CLIP4: variants seen among roughly 807,000 people sequenced by gnomAD.
CLIP4 encodes CAP-Gly domain containing linker protein family member 4, also known as CAP-Gly domain-containing linker protein 4.
A neutral mutation model predicts 73.1 loss-of-function variants in CLIP4; 47 were observed. The ratio of observed to expected loss-of-function variants is 0.64; its 90% confidence interval spans 0.51 to 0.82. The LOEUF (loss-of-function observed/expected upper bound fraction) is 0.82. Among genes scored for constraint, CLIP4 ranks in the 40% least tolerant of loss-of-function variants. The pLI is 0.00. For missense variants in CLIP4, 874 were observed against 852.9 expected (o/e 1.02, Z -0.31); for synonymous variants, 306 against 295.4 (o/e 1.04, Z -0.37).
chr2:29,165,790 C>G (rs983051164), intron 13 of CLIP4, among the ~76,000 whole-genome samples: 2 of 152,132 alleles, frequency 1.3e-5, no homozygotes, highest in African/African-American at 4.8e-5. Context: ...AATCTGATTC[C>G]TAGTTCAGTG....
Position 29,132,312 on chromosome 2 carries a change from A to G in CLIP4, c.367+67A>G, listed in dbSNP as rs898365487. ...ACTTGTGCTTAGATAATCTATATTT[A>G]TGCCCATATATTGTCTGGGGGAAGG... On this transcript the variant is annotated intron_variant, in intron 4 of 15. Coordinates refer to ENST00000320081, the MANE Select transcript of CLIP4 (RefSeq NM_024692.6). 7.0e-6 allele frequency: 9 copies of G among 1,287,472 alleles called. No homozygotes were observed. In the African/African-American group the frequency reaches 1.3e-4, roughly 19 times the overall value. 79.8% of individuals were successfully genotyped at this position (1,287,472 alleles called of 1,614,324 possible). A position where few individuals can be genotyped will look rare whatever the true frequency, so the allele number is the denominator to read the frequency against.
chr2:29,100,350 A>C (rs896869069), intron 1 of CLIP4, among the ~76,000 whole-genome samples: 3 of 152,194 alleles, frequency 2.0e-5, no homozygotes, highest in African/African-American at 7.2e-5. Context: ...TATGAAATTA[A>C]ATATTTTAAA....
chr2:29,110,965 T>C (rs187932481), upstream of CLIP4, among the ~76,000 whole-genome samples: 1 of 152,210 alleles, frequency 6.6e-6, no homozygotes, highest in East Asian at 1.9e-4. Context: ...GGATTACAGG[T>C]GTGAGCCACC....
rs564890722 is a variant in CLIP4 at position 29,138,898 on chromosome 2, T to G, written c.648+3232T>G. On this transcript the variant is annotated intron_variant, in intron 6 of 15. Coordinates refer to ENST00000320081, the MANE Select transcript of CLIP4 (RefSeq NM_024692.6). ...GTTTATCAGGTCTAGGAGGTTTTTT[T>G]TGGCAGAACCTTTAGAATTTTCTAC... Among the ~76,000 whole-genome samples the G allele has an allele frequency of 2.0e-3, 300 of 152,224 alleles. 1 individual carries two copies. The highest frequency in any genetic ancestry group is 3.0e-3 in the Non-Finnish European group (204 of 67,966).
At chr2:29,155,642 T>C (rs1666874593) in intron 9 of CLIP4, among the ~76,000 whole-genome samples, 1 of 152,180 alleles carries the variant, frequency 6.6e-6, no homozygotes, top group South Asian at 2.1e-4. Context: ...AAATAAAAAT[T>C]TACTCTTCAG....
chr2:29,152,529 A>G lies in CLIP4; in HGVS notation c.1022-156A>G, dbSNP rs13406906. ...ACTAGATTGTAAGCTCTTTGAGGGT[A>G]AGTACTGTGTCTTACATTTTTTTTC... On this transcript the variant is annotated intron_variant, in intron 8 of 15. Transcript: ENST00000320081. Among the ~76,000 whole-genome samples, 1,156 of 152,058 alleles carry G rather than the reference A, an allele frequency of 7.6e-3. 12 individuals are homozygous for G. The highest frequency in any genetic ancestry group is 0.026 in the African/African-American group (1,060 of 41,360).
intron 12 of CLIP4, among the ~76,000 whole-genome samples, chr2:29,162,355 G>C (rs998726318): frequency 6.6e-6 from 1 of 152,158 alleles, no homozygotes; most frequent in Non-Finnish European, 1.5e-5. Flanking sequence ...AATATCTTAA[G>C]TATTTGGAGG....
chr2:29,111,698 G>A (rs1412284799), upstream of CLIP4, among the ~76,000 whole-genome samples: 2 of 152,102 alleles, frequency 1.3e-5, no homozygotes, highest in Non-Finnish European at 1.5e-5. Flanking sequence ...AGTTGCTTTT[G>A]AACATAGCAC....
intron 1 of CLIP4, among the ~76,000 whole-genome samples, chr2:29,121,160 A>G (rs1013145610): frequency 1.3e-5 from 2 of 152,172 alleles, no homozygotes; most frequent in South Asian, 4.1e-4. Context: ...GAGAGATTAC[A>G]TGTGCTACCG....
chr2:29,107,457 C>T (rs189159804), intron 1 of CLIP4, among the ~76,000 whole-genome samples: 3,357 of 143,134 alleles, frequency 0.023, 112 homozygotes, highest in East Asian at 0.1. Context: ...CTGCAAGCTC[C>T]GCCTCCCGGG....
rs772575127 is a variant in CLIP4 at position 29,157,289 on chromosome 2, C to T, written c.1341C>T (p.Ile447=). ...GCTACCCCAAGAAACAGAATGCAAT[C>T]AGCAGTAACAAGAAGACAATGAGCA... is the stretch of plus-strand genomic sequence containing the variant. ...RQSYPKKQNA[I]SSNKKTMSKS... The change falls in exon 11 of 16, where the codon ATC becomes ATT. Residue 447 remains isoleucine (I), a synonymous_variant. Coordinates refer to ENST00000320081, the MANE Select transcript of CLIP4 (RefSeq NM_024692.6). The T allele has an allele frequency of 7.4e-6, 12 of 1,614,118 alleles. No individual in the cohort carries two copies. The highest frequency in any genetic ancestry group is 1.0e-5 in the Non-Finnish European group (12 of 1,179,984).
At chr2:29,120,453 GGT>G (rs1330898195) in intron 1 of CLIP4, among the ~76,000 whole-genome samples, 1 of 151,982 alleles carries the variant, frequency 6.6e-6, no homozygotes, top group Non-Finnish European at 1.5e-5. Flanking sequence ...TAGCTAGTAT[GGT>G]GTTGTCTACT....
intron 2 of CLIP4, among the ~76,000 whole-genome samples, chr2:29,124,238 AT>A (rs1313746779): frequency 1.4e-4 from 21 of 151,826 alleles, no homozygotes; most frequent in Admixed American, 1.4e-3. Flanking sequence ...TATTTACCTT[AT>A]TTTTTTGAAA....
chr2:29,143,640 A>C, intron 6 of CLIP4, 69 bp from the exon 7 acceptor site: 1 of 1,069,634 alleles, frequency 9.3e-7, no homozygotes, highest in Non-Finnish European at 1.4e-6. Context: ...TTCTTCCAAC[A>C]GAAATTTTAT....
intron 15 of CLIP4, among the ~76,000 whole-genome samples, chr2:29,175,805 A>G (rs1668294565): frequency 6.6e-6 from 1 of 152,154 alleles, no homozygotes; most frequent in Non-Finnish European, 1.5e-5. Flanking sequence ...TCTGTCACCC[A>G]GGCTGGAGTG....
At chr2:29,141,356 G>A (rs899325715) in intron 6 of CLIP4, among the ~76,000 whole-genome samples, 4 of 152,114 alleles carry the variant, frequency 2.6e-5, no homozygotes, top group Non-Finnish European at 5.9e-5. Context: ...GTCAAGTGCT[G>A]TATTTAAGTC....
chr2:29,159,994 G>A (rs1232665350), intron 11 of CLIP4, among the ~76,000 whole-genome samples: 3 of 152,228 alleles, frequency 2.0e-5, no homozygotes, highest in Non-Finnish European at 4.4e-5. Context: ...GCAATTTGCA[G>A]AAACAGTTTG....
intron 1 of CLIP4, among the ~76,000 whole-genome samples, chr2:29,119,349 A>G (rs1197383393): frequency 1.3e-5 from 2 of 152,226 alleles, no homozygotes; most frequent in East Asian, 1.9e-4. Flanking sequence ...GAGGATCTCA[A>G]CAGTTTACAA....
chr2:29,107,358 G>GTTTTGTTTTTTTTTT (rs1668239932), intron 1 of CLIP4, among the ~76,000 whole-genome samples: 11 of 65,354 alleles, frequency 1.7e-4, no homozygotes, highest in Non-Finnish European at 2.7e-4. Flanking sequence ...GAACATGATA[G>GTTTTGTTTTTTTTTT]TTTTTTTTTT....
Sources: gnomAD v4.1 joint callset for allele counts (sites outside exome capture counted in the v4.1 genomes callset) on GRCh38, gnomAD v4.1.1 for gene constraint, MANE v1.5 for transcripts, NCBI Gene and HGNC (gene_info 2026-07-23, HGNC 2026-07-21) for gene names.